Variants in SCFD2 observed in about 807,000 individuals in gnomAD.
SCFD2 encodes sec1 family domain-containing protein 2.
SCFD2 carries 54 observed loss-of-function variants against 58.9 expected under a neutral mutation model. The ratio of observed to expected loss-of-function variants is 0.92; its 90% CI spans 0.74 to 1.15. The LOEUF is 1.15. Among genes scored for constraint, SCFD2 ranks in the 50% most tolerant of loss-of-function variants. The probability of loss-of-function intolerance (pLI) is 0.00; values close to 1 mark genes in which losing one functional copy is unlikely to be tolerated. For synonymous variants in SCFD2, 321 were observed against 335.9 expected (o/e 0.96, Z 0.49); for missense variants, 805 against 836.6 (o/e 0.96, Z 0.47).
chr4:53,285,483 G>A (rs1179658976), intron 3 of SCFD2, among the ~76,000 whole-genome samples: 1 of 151,966 alleles, frequency 6.6e-6, no homozygotes, highest in Non-Finnish European at 1.5e-5. Context: ...TTATCATGTT[G>A]AGGATCCCTT....
intron 8 of SCFD2, among the ~76,000 whole-genome samples, chr4:52,882,095 G>GCCTGTCCC (rs1245548079): frequency 6.6e-6 from 1 of 152,124 alleles, no homozygotes; most frequent in Admixed American, 6.5e-5. Context: ...TTCCAATCAA[G>GCCTGTCCC]TGCGAGACAG....
rs866846506 is a variant in SCFD2, at chr4:52,920,468, C to T, written c.1707+257G>A. Among the ~76,000 whole-genome samples, 29 of 152,074 alleles carry T rather than the reference C, an allele frequency of 1.9e-4. 1 individual carries two copies. Among genetic ancestry groups the T allele is most frequent in the African/African-American group, 6.0e-4 (25 of 41,394 alleles). On this transcript the variant is annotated intron_variant, in intron 6 of 8. Transcript: ENST00000401642. ...TGCAGAAGGCTATAGAATCAGTCTG[C>T]GACAAACCCACAGTTAGAAAGCCAT...
chr4:53,034,548 A>G (rs1425690757), intron 5 of SCFD2, among the ~76,000 whole-genome samples: 2 of 152,236 alleles, frequency 1.3e-5, no homozygotes, highest in African/African-American at 2.4e-5. Context: ...CTGTTTGCAG[A>G]TGACATGATT....
intron 4 of SCFD2, among the ~76,000 whole-genome samples, chr4:53,246,918 G>A (rs1203073913): frequency 2.1e-5 from 3 of 141,028 alleles, no homozygotes; most frequent in Non-Finnish European, 4.5e-5. Flanking sequence ...ACAGCCTACA[G>A]AATGGAAAAA....
intron 2 of SCFD2, among the ~76,000 whole-genome samples, chr4:53,332,957 GACAA>G (rs1034061441): frequency 2.6e-5 from 4 of 151,310 alleles, no homozygotes; most frequent in Non-Finnish European, 5.9e-5. Context: ...ACCAATAACA[GACAA>G]ACAGAGAGCC....
At chr4:53,345,395 A>T (rs1734027400) in intron 2 of SCFD2, among the ~76,000 whole-genome samples, 1 of 152,216 alleles carries the variant, frequency 6.6e-6, no homozygotes, top group Admixed American at 6.5e-5. Flanking sequence ...AGCCACAATG[A>T]GATACCATCT....
chr4:53,256,028 A>C (rs1730608916), intron 4 of SCFD2, among the ~76,000 whole-genome samples: 2 of 135,456 alleles, frequency 1.5e-5, no homozygotes. Context: ...CTGACCCCCC[A>C]CCTCCCTTCC....
At chr4:53,007,122 A>T in intron 5 of SCFD2, among the ~76,000 whole-genome samples, 1 of 152,020 alleles carries the variant, frequency 6.6e-6, no homozygotes, top group African/African-American at 2.4e-5. Flanking sequence ...CTCTAAAAAA[A>T]AATTAAAAAT....
chr4:53,214,256 G>C (rs1728729528), intron 4 of SCFD2, among the ~76,000 whole-genome samples: 1 of 152,104 alleles, frequency 6.6e-6, no homozygotes, highest in Non-Finnish European at 1.5e-5. Context: ...GGTTGAACTA[G>C]TTTACAATCC....
chr4:53,027,221 C>G lies in SCFD2; in HGVS notation c.1562-106351G>C, dbSNP rs188693190. Among the ~76,000 whole-genome samples the G allele has an allele frequency of 6.6e-5, 10 of 152,196 alleles. No individual in the cohort carries two copies. The East Asian group carries it at 1.9e-3, about 29-fold the overall frequency. On this transcript the variant is annotated intron_variant, in intron 5 of 8. Transcript: ENST00000401642. ...CAGGCCTTGTTTGTCCACCCTCCTT[C>G]ATGAGGTCTGCTCAGTTACCCAGCC... is the stretch of plus-strand genomic sequence containing the variant.
At chr4:53,310,082 A>G (rs1732642906) in intron 3 of SCFD2, among the ~76,000 whole-genome samples, 1 of 152,214 alleles carries the variant, frequency 6.6e-6, no homozygotes, top group Non-Finnish European at 1.5e-5. Flanking sequence ...GGCAAAGTCT[A>G]GTAGTGAATG....
At position 53,313,819 on chromosome 4, in the gene SCFD2, G is replaced by C. The variant is rs953516987; in HGVS notation, c.1008-56C>G. On this transcript the variant is annotated intron_variant, in intron 2 of 8. Coordinates refer to ENST00000401642, the MANE Select transcript of SCFD2 (RefSeq NM_152540.4). ...ATAAATTTCTACTGGATACTGGAAA[G>C]GGTTGAAAGCAAAATACTTTTTAAA... is the stretch of plus-strand genomic sequence containing the variant. 12 of 1,558,650 alleles carry C rather than the reference G, an allele frequency of 7.7e-6. No homozygotes were observed. The Admixed American group carries it at 1.7e-4, about 22-fold the overall frequency.
intron 5 of SCFD2, among the ~76,000 whole-genome samples, chr4:53,128,902 T>C (rs762339367): frequency 2.7e-4 from 41 of 152,148 alleles, no homozygotes; most frequent in African/African-American, 5.3e-4. Context: ...TGGCCAAAGA[T>C]TGAATTCTTT....
At chr4:53,084,281 G>T (rs147181204) in intron 5 of SCFD2, among the ~76,000 whole-genome samples, 1 of 152,028 alleles carries the variant, frequency 6.6e-6, no homozygotes, top group East Asian at 1.9e-4. Context: ...AGAATTTAGC[G>T]ATATCTTTCC....
At chr4:52,898,298 A>T (rs1719081230) in intron 7 of SCFD2, among the ~76,000 whole-genome samples, 1 of 152,194 alleles carries the variant, frequency 6.6e-6, no homozygotes, top group South Asian at 2.1e-4. Context: ...TTAGTGCTAT[A>T]AATTTTCCTC....
At chr4:52,986,744 C>T (rs1295785597) in intron 5 of SCFD2, among the ~76,000 whole-genome samples, 1 of 151,940 alleles carries the variant, frequency 6.6e-6, no homozygotes, top group Admixed American at 6.6e-5. Flanking sequence ...CGTGATCCAC[C>T]CGCCTCGGCC....
At chr4:53,246,083 A>C (rs1298236173) in intron 4 of SCFD2, among the ~76,000 whole-genome samples, 2 of 152,134 alleles carry the variant, frequency 1.3e-5, no homozygotes, top group Non-Finnish European at 2.9e-5. Flanking sequence ...CAGAAATGTA[A>C]TCCCATTTAC....
intron 5 of SCFD2, among the ~76,000 whole-genome samples, chr4:53,037,404 T>C (rs1490781262): frequency 6.6e-6 from 1 of 152,226 alleles, no homozygotes; most frequent in East Asian, 1.9e-4. Flanking sequence ...ATTAAAATAA[T>C]GTATGGAGTT....
intron 3 of SCFD2, among the ~76,000 whole-genome samples, chr4:53,309,283 T>G (rs901460247): frequency 6.6e-6 from 1 of 152,098 alleles, no homozygotes; most frequent in African/African-American, 2.4e-5. Context: ...AAGTAAAAAG[T>G]AGGAAAGGCT....
Sources: gnomAD v4.1 joint callset for allele counts (sites outside exome capture counted in the v4.1 genomes callset) on GRCh38, gnomAD v4.1.1 for gene constraint, MANE v1.5 for transcripts, NCBI Gene and HGNC (gene_info 2026-07-23, HGNC 2026-07-21) for gene names.